Variants in SYT14 observed in about 807,000 individuals in gnomAD.
SYT14 encodes synaptotagmin 14.
A neutral mutation model predicts 74.2 loss-of-function variants in SYT14; 32 were observed. That is an observed-to-expected ratio of 0.43 (90% CI 0.33 to 0.58). The LOEUF is 0.58. Among genes scored for constraint, SYT14 ranks in the 20% least tolerant of loss-of-function variants. The pLI, the probability that SYT14 is intolerant of heterozygous loss-of-function variation, is 0.05. For missense variants in SYT14, 791 were observed against 981.8 expected, an observed-to-expected ratio of 0.81 and a Z score of 2.60; for synonymous variants, 298 against 337.7, an observed-to-expected ratio of 0.88 and a Z score of 1.29.
intron 7 of SYT14, among the ~76,000 whole-genome samples, chr1:210,117,342 AC>A (rs551797926): frequency 5.9e-5 from 9 of 152,152 alleles, no homozygotes; most frequent in Non-Finnish European, 1.3e-4. Context: ...ATAAGGAAAT[AC>A]CTTTCAAAAC....
chr1:210,051,157 T>C (rs192107133), intron 5 of SYT14, among the ~76,000 whole-genome samples: 1 of 152,358 alleles, frequency 6.6e-6, no homozygotes, highest in Admixed American at 6.5e-5. Flanking sequence ...AAAATTCATG[T>C]ATGTATTAAT....
exon 10 of SYT14, chr1:210,162,757 A>G (rs781401969): frequency 9.0e-6 from 4 of 446,386 alleles, no homozygotes; most frequent in South Asian, 6.4e-5. Context: ...AAGACCGTGA[A>G]CTTCTGTATT....
chr1:210,124,870 G>A (rs1264028387), intron 7 of SYT14, among the ~76,000 whole-genome samples: 2 of 150,940 alleles, frequency 1.3e-5, no homozygotes, highest in Non-Finnish European at 1.5e-5. Flanking sequence ...TTTTTTGTGT[G>A]GTTTTTTTTT....
chr1:209,976,828 G>T (rs554751791), intron 2 of SYT14, among the ~76,000 whole-genome samples: 3 of 152,218 alleles, frequency 2.0e-5, no homozygotes, highest in East Asian at 3.9e-4. Context: ...CATTATTATT[G>T]TGTGGGAGTC....
intron 7 of SYT14, among the ~76,000 whole-genome samples, chr1:210,116,691 A>G (rs2082367985): frequency 6.6e-6 from 1 of 152,196 alleles, no homozygotes; most frequent in Non-Finnish European, 1.5e-5. Context: ...AAACACTTGG[A>G]GAAGAGAGAC....
At position 209,943,428 on chromosome 1, in the gene SYT14, C is replaced by T. The variant is rs149725163; in HGVS notation, c.-534+5151C>T. 5.8e-3 allele frequency among the ~76,000 whole-genome samples: 843 copies of T among 145,036 alleles called. 5 individuals carry two copies. The highest frequency in any genetic ancestry group is 0.02 in the African/African-American group (775 of 38,362). On this transcript the variant is annotated intron_variant, in intron 1 of 9. Transcript: ENST00000637265. ...GCTGAGGCAGGAGAATCACCTAAAC[C>T]CGGGAACCCGGGAGACTGAGCAGTG...
At chr1:210,072,910 A>G (rs1167218194) in intron 5 of SYT14, among the ~76,000 whole-genome samples, 1 of 151,952 alleles carries the variant, frequency 6.6e-6, no homozygotes, top group East Asian at 1.9e-4. Context: ...GTAGACAAGA[A>G]TAATTAAGTA....
intron 5 of SYT14, among the ~76,000 whole-genome samples, chr1:210,074,542 G>T (rs2081454444): frequency 6.6e-6 from 1 of 152,132 alleles, no homozygotes; most frequent in African/African-American, 2.4e-5. Context: ...GTTGGAAGAG[G>T]TATACTTCAC....
chr1:210,107,887 CTTTG>C (rs930286590), intron 7 of SYT14, among the ~76,000 whole-genome samples: 4 of 151,546 alleles, frequency 2.6e-5, no homozygotes, highest in African/African-American at 9.7e-5. Flanking sequence ...TTACTTCTAT[CTTTG>C]TTTATTTCTG....
chr1:210,004,330 A>G (rs112397174), intron 2 of SYT14, among the ~76,000 whole-genome samples: 2 of 152,176 alleles, frequency 1.3e-5, no homozygotes, highest in African/African-American at 4.8e-5. Context: ...AGGACCTTCT[A>G]CAAAATTAAT....
intron 2 of SYT14, among the ~76,000 whole-genome samples, chr1:210,004,623 A>G (rs1452952089): frequency 2.6e-5 from 4 of 151,882 alleles, no homozygotes; most frequent in African/African-American, 9.7e-5. Context: ...CACCTTACTT[A>G]TTGAAAAGTA....
chr1:210,151,365 G>T (rs1282769045), intron 7 of SYT14, among the ~76,000 whole-genome samples: 2 of 152,124 alleles, frequency 1.3e-5, no homozygotes, highest in African/African-American at 4.8e-5. Flanking sequence ...TGCCATTTGG[G>T]CAGACAGCAT....
chr1:209,953,572 C>T (rs948154843), intron 2 of SYT14, among the ~76,000 whole-genome samples: 3 of 152,140 alleles, frequency 2.0e-5, no homozygotes, highest in African/African-American at 7.2e-5. Flanking sequence ...GGAGCAGTGT[C>T]ATTATTTGTG....
intron 2 of SYT14, among the ~76,000 whole-genome samples, chr1:209,989,891 A>G (rs1437060622): frequency 6.6e-6 from 1 of 152,050 alleles, no homozygotes; most frequent in Non-Finnish European, 1.5e-5. Flanking sequence ...TCTAAGATAT[A>G]TTTATATTTT....
chr1:210,073,973 A>G (rs1292630511), intron 5 of SYT14, among the ~76,000 whole-genome samples: 2 of 152,186 alleles, frequency 1.3e-5, no homozygotes, highest in Non-Finnish European at 2.9e-5. Context: ...TGAGTTTAAT[A>G]AAAACTCAGA....
At chr1:209,968,975 C>T (rs762495086) in intron 2 of SYT14, among the ~76,000 whole-genome samples, 7 of 152,056 alleles carry the variant, frequency 4.6e-5, no homozygotes, top group Non-Finnish European at 8.8e-5. Context: ...TTAGCTCCCA[C>T]TTATAAGTGA....
chr1:209,978,618 G>A (rs970764378), intron 2 of SYT14, among the ~76,000 whole-genome samples: 2 of 152,152 alleles, frequency 1.3e-5, no homozygotes, highest in African/African-American at 2.4e-5. Context: ...TGCCCCTACT[G>A]GGGGGTGCCT....
At chr1:209,980,231 A>G (rs745920420) in intron 2 of SYT14, among the ~76,000 whole-genome samples, 2 of 151,876 alleles carry the variant, frequency 1.3e-5, no homozygotes, top group Admixed American at 1.3e-4. Context: ...TTTTTTTCAT[A>G]TGTATGTTGG....
intron 5 of SYT14, among the ~76,000 whole-genome samples, chr1:210,072,845 T>G (rs887299719): frequency 1.3e-5 from 2 of 151,998 alleles, no homozygotes; most frequent in Non-Finnish European, 2.9e-5. Flanking sequence ...TATTAAATTT[T>G]CTGTATTTTT....
Sources: gnomAD v4.1 joint callset for allele counts (sites outside exome capture counted in the v4.1 genomes callset) on GRCh38, gnomAD v4.1.1 for gene constraint, MANE v1.5 for transcripts, NCBI Gene and HGNC (gene_info 2026-07-23, HGNC 2026-07-21) for gene names.